MORC3: variants seen among roughly 807,000 people sequenced by gnomAD.
MORC3 encodes the protein MORC family CW-type zinc finger protein 3.
A neutral mutation model predicts 109.1 loss-of-function variants in MORC3; 31 were observed. The observed-to-expected ratio is 0.28, with a 90% CI of 0.21 to 0.38. MORC3 has a LOEUF of 0.38. Ranked by LOEUF, MORC3 falls within the 10% of genes least tolerant of loss-of-function variation. The probability of loss-of-function intolerance (pLI) is 1.00; values close to 1 mark genes in which losing one functional copy is unlikely to be tolerated. For synonymous variants in MORC3, 395 were observed against 380.7 expected (o/e 1.04, Z -0.44); for missense variants, 867 against 1,135.8 (o/e 0.76, Z 3.40).
In MORC3 at chr21:36,369,067, G is replaced by T; in HGVS notation, c.1699G>T (p.Val567Phe). Residue 567 changes from valine (V) to phenylalanine (F), a missense_variant, in exon 15 of 17, where the codon GTT (valine) becomes TTT (phenylalanine). Val to Phe is a conservative substitution (Grantham distance 50). Transcript: ENST00000400485. Reference sequence around the variant, plus strand: ...ATTGAGTAGTCAGTTTGAAAATTCAGTTTATAAAGGTGATGATGATGATGA... The same window carrying T: ...ATTGAGTAGTCAGTTTGAAAATTCATTTTATAAAGGTGATGATGATGATGA... ...RRLSSQFENS[V>F]YKGDDDDEDV... The T allele has an allele frequency of 6.2e-7, 1 of 1,614,066 alleles. No individual in the cohort carries two copies. The highest frequency in any genetic ancestry group is 8.5e-7 in the Non-Finnish European group (1 of 1,180,012).
At chr21:36,339,003 A>G in intron 5 of MORC3, 82 bp downstream of exon 5, 5 of 1,456,328 alleles carry the variant, frequency 3.4e-6, no homozygotes, top group Non-Finnish European at 4.7e-6. Context: ...CTCTCGTTAC[A>G]CACAGTAGAA....
In MORC3 at chr21:36,364,253, G is replaced by A; in HGVS notation, c.1613G>A (p.Ser538Asn). 6.2e-7 allele frequency: 1 copy of A among 1,613,704 alleles called. No individual in the cohort carries two copies. Among genetic ancestry groups the A allele is most frequent in the Non-Finnish European group, 8.5e-7 (1 of 1,179,822 alleles). Residue 538 changes from serine (S) to asparagine (N), a missense_variant, in exon 14 of 17, where the codon AGC becomes AAC. Ser to Asn is a conservative substitution (Grantham distance 46). Coordinates refer to ENST00000400485, the MANE Select transcript of MORC3 (RefSeq NM_015358.3). Reference protein sequence around the residue: ...HQVPPQSEPESNSLKRRLSTR... With the variant: ...HQVPPQSEPENNSLKRRLSTR... ...GTTCCACCTCAGTCTGAACCTGAGAGCAACAGGTCAGTGGCTAAGATTGGT... is the reference window on the plus strand; with the variant it reads ...GTTCCACCTCAGTCTGAACCTGAGAACAACAGGTCAGTGGCTAAGATTGGT...
chr21:36,360,347 TA>T, intron 12 of MORC3, 89 bp downstream of exon 12: 1 of 1,298,372 alleles, frequency 7.7e-7, no homozygotes, highest in Non-Finnish European at 1.1e-6. Context: ...TTCTCCAAGG[TA>T]AAGCACCTGT....
intron 1 of MORC3, among the ~76,000 whole-genome samples, chr21:36,325,601 T>C (rs2085239957): frequency 6.6e-6 from 1 of 152,248 alleles, no homozygotes. Flanking sequence ...TCCCGTTAAA[T>C]AGTAACTTCT....
intron 8 of MORC3, chr21:36,348,220 G>A (rs2085532760): frequency 6.6e-6 from 1 of 152,140 alleles, no homozygotes; most frequent in Admixed American, 6.5e-5. Context: ...AACCAACCTA[G>A]ATTTTTACTT....
In MORC3 at chr21:36,336,092, AT is replaced by A. The variant is rs71326676; in HGVS notation, c.113-764del. Among the ~76,000 whole-genome samples, 1,328 of 137,640 alleles carry A rather than the reference AT, an allele frequency of 9.6e-3. 11 individuals are homozygous for A. Among genetic ancestry groups the A allele is most frequent in the East Asian group, 0.076 (354 of 4,686 alleles). The allele number at this position is 137,640 out of a possible 152,430, so 90.3% of individuals were successfully genotyped here. Reference sequence around the variant, plus strand: ...AGGTGCCCGCCACCATGCCTGGCTAATTTTTTTTTTTTTTTTTTAATACAGA... The same window carrying A: ...AGGTGCCCGCCACCATGCCTGGCTAATTTTTTTTTTTTTTTTTAATACAGA... On this transcript the variant is annotated intron_variant, in intron 2 of 16. Transcript: ENST00000400485.
At chr21:36,358,494 G>A (rs141283654) in intron 10 of MORC3, among the ~76,000 whole-genome samples, 9 of 151,648 alleles carry the variant, frequency 5.9e-5, no homozygotes, top group East Asian at 2.0e-4. Flanking sequence ...AGTGGGTCAC[G>A]CCTGTAATCC....
intron 14 of MORC3, among the ~76,000 whole-genome samples, chr21:36,364,611 A>G (rs965782766): frequency 8.0e-5 from 12 of 150,472 alleles, no homozygotes; most frequent in Admixed American, 1.4e-4. Context: ...CTGAGGCTGC[A>G]CCCCAGCCTG....
At position 36,360,084 on chromosome 21, in the gene MORC3, T is replaced by C; in HGVS notation, c.1331+7T>C. On this transcript the variant is annotated splice_region_variant and intron_variant, in intron 11 of 16. Transcript: ENST00000400485. The stretch of plus-strand genomic sequence containing the variant: ...ACCCTGACCCACAGTTCAGGTACCA[T>C]AGAGTTGGTAGTACCCTTTTTGGAA... 3 of 1,614,138 alleles carry C rather than the reference T, an allele frequency of 1.9e-6. No homozygotes were observed. The highest frequency in any genetic ancestry group is 2.5e-6 in the Non-Finnish European group (3 of 1,180,018).
At chr21:36,328,488 G>A (rs573601102) in intron 1 of MORC3, among the ~76,000 whole-genome samples, 4 of 151,968 alleles carry the variant, frequency 2.6e-5, no homozygotes, top group African/African-American at 4.8e-5. Flanking sequence ...ACACAGGCGC[G>A]CACCACCACG....
At position 36,326,818 on chromosome 21, in the gene MORC3, A is replaced by AT. The variant is rs879920096; in HGVS notation, c.39+6530dup. 1.7e-3 allele frequency among the ~76,000 whole-genome samples: 252 copies of AT among 144,546 alleles called. 1 individual carries two copies. Among genetic ancestry groups the AT allele is most frequent in the Middle Eastern group, 0.011 (3 of 278 alleles). 94.8% of individuals were successfully genotyped at this position (144,546 alleles called of 152,430 possible). A position where few individuals can be genotyped will look rare whatever the true frequency, so the allele number is the denominator to read the frequency against. On this transcript the variant is annotated intron_variant, in intron 1 of 16. Coordinates refer to ENST00000400485, the MANE Select transcript of MORC3 (RefSeq NM_015358.3). Reference sequence around the variant, plus strand: ...AGAAGACAACATTATAAATTTAAAGATTTTTTTTTTTTTTTGAGACCGAGT... The same window carrying AT: ...AGAAGACAACATTATAAATTTAAAGATTTTTTTTTTTTTTTTGAGACCGAGT...
intron 1 of MORC3, among the ~76,000 whole-genome samples, chr21:36,325,915 T>C (rs11910447): frequency 0.047 from 7,155 of 152,278 alleles, 543 homozygotes; most frequent in African/African-American, 0.16. Context: ...TTCTATTTTA[T>C]TATTAAATTA....
chr21:36,329,848 T>C (rs1218578693), intron 1 of MORC3, among the ~76,000 whole-genome samples: 1 of 152,110 alleles, frequency 6.6e-6, no homozygotes, highest in Admixed American at 6.6e-5. Flanking sequence ...CTTTTTTCTT[T>C]TCTTTTTTTG....
chr21:36,333,624 A>T, intron 1 of MORC3, 22 bp from the exon 2 acceptor site: 1 of 1,589,378 alleles, frequency 6.3e-7, no homozygotes. Context: ...ATTAATTTAC[A>T]TGGACCTTTT....
intron 1 of MORC3, among the ~76,000 whole-genome samples, chr21:36,328,553 C>T (rs1208080529): frequency 6.6e-6 from 1 of 152,136 alleles, no homozygotes. Flanking sequence ...GTTGGCCAGG[C>T]TGGTCTTGAA....
intron 14 of MORC3, among the ~76,000 whole-genome samples, chr21:36,366,678 C>G (rs1035993934): frequency 5.3e-5 from 8 of 152,184 alleles, no homozygotes; most frequent in African/African-American, 1.9e-4. Context: ...TGGTCTCAAA[C>G]TCCTAAGCTC....
chr21:36,360,753 A>G (rs2085704102), intron 12 of MORC3: 1 of 166,104 alleles, frequency 6.0e-6, no homozygotes, highest in African/African-American at 2.4e-5. Flanking sequence ...TACGATGAGA[A>G]TGTACAGGGA....
At position 36,320,281 on chromosome 21, in the gene MORC3, C is replaced by A. The variant is rs754800946; in HGVS notation, c.17C>A (p.Pro6His). 1.9e-6 allele frequency: 3 copies of A among 1,579,612 alleles called. No homozygotes were observed. The highest frequency in any genetic ancestry group is 1.7e-6 in the Non-Finnish European group (2 of 1,164,650). MAAQP[P>H]RGIRLSALCP... ...TCGCTCAAGATGGCGGCGCAGCCAC[C>A]CCGCGGGATACGCCTCAGCGCGGTG... Residue 6 changes from proline to histidine, a missense_variant, in exon 1 of 17, where the codon CCC becomes CAC. By Grantham distance (77) the Pro-to-His change is moderately conservative (BLOSUM62 -2). Coordinates refer to ENST00000400485, the MANE Select transcript of MORC3 (RefSeq NM_015358.3).
At chr21:36,332,464 C>T (rs779723131) in intron 1 of MORC3, among the ~76,000 whole-genome samples, 18 of 152,192 alleles carry the variant, frequency 1.2e-4, no homozygotes, top group Non-Finnish European at 2.4e-4. Flanking sequence ...GCTTCAGAAC[C>T]GGAACAGGTT....
Sources: gnomAD v4.1 joint callset for allele counts (sites outside exome capture counted in the v4.1 genomes callset) on GRCh38, gnomAD v4.1.1 for gene constraint, MANE v1.5 for transcripts, NCBI Gene and HGNC (gene_info 2026-07-23, HGNC 2026-07-21) for gene names.